Variants in CHN2 observed in about 807,000 individuals in gnomAD.
CHN2 encodes the protein beta-chimaerin.
In CHN2, 35 loss-of-function variants were observed where a neutral mutation model predicts 56.3. That is an observed-to-expected ratio of 0.62 (90% CI 0.47 to 0.82). The LOEUF (loss-of-function observed/expected upper bound fraction) is 0.82. CHN2 is among the 40% of genes least tolerant of loss of function. CHN2 has a pLI of 0.00. For missense variants in CHN2, 491 were observed against 580.5 expected (o/e 0.85, Z 1.58); for synonymous variants, 210 against 212.8 (o/e 0.99, Z 0.12).
At chr7:29,332,076 A>T (rs1796265733) in intron 1 of CHN2, among the ~76,000 whole-genome samples, 1 of 152,158 alleles carries the variant, frequency 6.6e-6, no homozygotes, top group South Asian at 2.1e-4. Flanking sequence ...GTGATCTGAA[A>T]GAAAAAAGGC....
At chr7:29,296,085 T>C (rs1044693166) in intron 1 of CHN2, among the ~76,000 whole-genome samples, 2 of 24,928 alleles carry the variant, frequency 8.0e-5, no homozygotes, top group African/African-American at 5.5e-4. Flanking sequence ...GTAATCACCA[T>C]TTTTTTTTTT....
At chr7:29,272,657 T>G (rs1302275447) in intron 1 of CHN2, among the ~76,000 whole-genome samples, 3 of 152,178 alleles carry the variant, frequency 2.0e-5, no homozygotes, top group African/African-American at 7.2e-5. Context: ...TTTATTCTCT[T>G]AAGAATAATT....
intron 6 of CHN2, among the ~76,000 whole-genome samples, chr7:29,447,465 A>G (rs1012209393): frequency 6.6e-6 from 1 of 152,208 alleles, no homozygotes; most frequent in African/African-American, 2.4e-5. Flanking sequence ...ACAGTCTGAT[A>G]TATGTCTAAC....
At chr7:29,262,940 A>G (rs1183408714) in intron 1 of CHN2, among the ~76,000 whole-genome samples, 1 of 148,978 alleles carries the variant, frequency 6.7e-6, no homozygotes, top group African/African-American at 2.4e-5. Flanking sequence ...AACTTAAAAT[A>G]AATCGTGAAG....
At chr7:29,343,557 A>G (rs1797202540) in intron 1 of CHN2, among the ~76,000 whole-genome samples, 1 of 152,152 alleles carries the variant, frequency 6.6e-6, no homozygotes, top group Non-Finnish European at 1.5e-5. Flanking sequence ...TTGCTGCAGC[A>G]ACAGCTCTCT....
intron 11 of CHN2, among the ~76,000 whole-genome samples, 162 bp downstream of exon 11, chr7:29,507,527 G>A (rs1194669802): frequency 1.3e-5 from 2 of 152,224 alleles, no homozygotes; most frequent in Non-Finnish European, 2.9e-5. Context: ...TAGTTCAACA[G>A]CTGAGCTGAA....
At chr7:29,239,582 C>T (rs1447416240) in intron 1 of CHN2, among the ~76,000 whole-genome samples, 2 of 152,174 alleles carry the variant, frequency 1.3e-5, no homozygotes, top group African/African-American at 2.4e-5. Context: ...CTTCATTCAA[C>T]CCTACCTTTC....
At chr7:29,504,672 T>A in intron 9 of CHN2, 72 bp from the exon 10 acceptor site, 1 of 1,021,880 alleles carries the variant, frequency 9.8e-7, no homozygotes, top group South Asian at 1.4e-5. Context: ...AGTATAGACG[T>A]GAAATTAGTC....
At chr7:29,399,708 T>TC in intron 5 of CHN2, among the ~76,000 whole-genome samples, 1 of 152,298 alleles carries the variant, frequency 6.6e-6, no homozygotes, top group African/African-American at 2.4e-5. Flanking sequence ...ATGCACCATC[T>TC]CCCTATTATG....
chr7:29,332,016 G>GAAA (rs35099980), intron 1 of CHN2, among the ~76,000 whole-genome samples: 4 of 137,236 alleles, frequency 2.9e-5, no homozygotes, highest in Non-Finnish European at 3.1e-5. Flanking sequence ...TGTCTCAAAA[G>GAAA]AAAAAAAAAA....
intron 6 of CHN2, among the ~76,000 whole-genome samples, chr7:29,446,147 A>C (rs1224765335): frequency 1.3e-5 from 2 of 152,144 alleles, no homozygotes; most frequent in Non-Finnish European, 2.9e-5. Context: ...TTCAGTGTAC[A>C]CCCAAGTGTT....
intron 1 of CHN2, among the ~76,000 whole-genome samples, chr7:29,213,912 G>T (rs923188054): frequency 6.6e-6 from 1 of 152,062 alleles, no homozygotes; most frequent in Non-Finnish European, 1.5e-5. Flanking sequence ...CTGCATTACT[G>T]TAATCTTTGT....
intron 1 of CHN2, among the ~76,000 whole-genome samples, chr7:29,292,318 C>A (rs1792700235): frequency 1.3e-5 from 2 of 152,210 alleles, no homozygotes; most frequent in Admixed American, 6.5e-5. Flanking sequence ...GACAACCTTT[C>A]AATCCATTTA....
intron 3 of CHN2, among the ~76,000 whole-genome samples, chr7:29,381,435 A>G (rs1366571186): frequency 6.6e-6 from 1 of 152,184 alleles, no homozygotes; most frequent in Non-Finnish European, 1.5e-5. Context: ...GAGCCAAGGA[A>G]TCACGGTGCC....
intron 1 of CHN2, among the ~76,000 whole-genome samples, chr7:29,257,984 G>A (rs1193813300): frequency 6.6e-6 from 1 of 151,782 alleles, no homozygotes. Context: ...GGGTCTTGCC[G>A]TGTTGCCCAG....
At chr7:29,246,445 C>G (rs980899237) in intron 1 of CHN2, among the ~76,000 whole-genome samples, 1 of 152,044 alleles carries the variant, frequency 6.6e-6, no homozygotes, top group African/African-American at 2.4e-5. Context: ...AGTGAAGGGT[C>G]AAAGTAAAGC....
At chr7:29,500,137 G>A in intron 9 of CHN2, 97 bp downstream of exon 9, 1 of 985,818 alleles carries the variant, frequency 1.0e-6, no homozygotes. Flanking sequence ...TACTACTCTT[G>A]TTGGGAAAAT....
chr7:29,380,036 C>T (rs1454650897), intron 3 of CHN2, among the ~76,000 whole-genome samples: 4 of 152,128 alleles, frequency 2.6e-5, no homozygotes, highest in African/African-American at 7.2e-5. Context: ...GCAATGAGTG[C>T]TGGCCCTGAT....
At chr7:29,449,493 A>ATTC (rs1398350748) in intron 6 of CHN2, among the ~76,000 whole-genome samples, 1 of 152,252 alleles carries the variant, frequency 6.6e-6, no homozygotes, top group African/African-American at 2.4e-5. Context: ...AATATGGGAA[A>ATTC]GTTCGTACTA....
Sources: allele counts gnomAD v4.1 joint callset (sites outside exome capture counted in the v4.1 genomes callset), GRCh38; gene constraint gnomAD v4.1.1; transcripts MANE v1.5; gene names NCBI Gene and HGNC (gene_info 2026-07-23, HGNC 2026-07-21).